The following GLCE variants were observed in gnomAD, a reference collection of about 807,000 sequenced individuals.
GLCE encodes glucuronic acid epimerase.
A neutral mutation model predicts 47.9 loss-of-function variants in GLCE; 19 were observed. That is an observed-to-expected ratio of 0.40 (90% confidence interval 0.28 to 0.58). The LOEUF (loss-of-function observed/expected upper bound fraction) is 0.58, where lower values mean the gene tolerates loss of function less well. Among genes scored for constraint, GLCE ranks in the 20% least tolerant of loss-of-function variants. GLCE has a pLI of 0.48. For synonymous variants in GLCE, 245 were observed against 263.4 expected (o/e 0.93, Z 0.68); for missense variants, 556 against 743.3 (o/e 0.75, Z 2.93).
intron 1 of GLCE, among the ~76,000 whole-genome samples, chr15:69,178,462 T>C (rs541225280): frequency 1.3e-5 from 2 of 152,146 alleles, no homozygotes; most frequent in Non-Finnish European, 2.9e-5. Flanking sequence ...ATCAGTAAAA[T>C]GTGGCTAATA....
intron 2 of GLCE, among the ~76,000 whole-genome samples, chr15:69,213,688 A>G (rs2052264601): frequency 6.6e-6 from 1 of 152,150 alleles, no homozygotes; most frequent in African/African-American, 2.4e-5. Flanking sequence ...GGCTTCAAAA[A>G]TATCTTGTTT....
chr15:69,268,688 G>A lies in GLCE; in HGVS notation c.1298G>A (p.Gly433Glu). 6.2e-7 allele frequency: 1 copy of A among 1,614,186 alleles called. No individual in the cohort carries two copies. Among genetic ancestry groups the A allele is most frequent in the Non-Finnish European group, 8.5e-7 (1 of 1,180,026 alleles). ...ATGGTGACCCGTAAGTTAGGGGAAG[G>A]GTTCAAGTCTTTAGAGCCAGGATGG... ...PIMVTRKLGE[G>E]FKSLEPGWYS... The change falls in exon 5 of 5, where the codon GGG becomes GAG. Residue 433 changes from glycine to glutamate, a missense_variant. Coordinates refer to ENST00000261858, the MANE Select transcript of GLCE (RefSeq NM_015554.3).
intron 2 of GLCE, among the ~76,000 whole-genome samples, chr15:69,212,258 G>C (rs1019962409): frequency 1.3e-5 from 2 of 151,836 alleles, no homozygotes; most frequent in Non-Finnish European, 1.5e-5. Context: ...GATATAAGAA[G>C]GTAATGCTAA....
At chr15:69,231,511 CTGATCTCG>C (rs1270886391) in intron 2 of GLCE, among the ~76,000 whole-genome samples, 1 of 151,944 alleles carries the variant, frequency 6.6e-6, no homozygotes, top group Non-Finnish European at 1.5e-5. Context: ...TCTCGATTTC[CTGATCTCG>C]TGATCCGCCT....
chr15:69,222,822 A>G (rs72754398), intron 2 of GLCE, among the ~76,000 whole-genome samples: 2,298 of 152,204 alleles, frequency 0.015, 45 homozygotes, highest in Non-Finnish European at 0.017. Context: ...GATTTTTTTT[A>G]TAGTGAAAGG....
At chr15:69,253,648 A>C (rs967977788) in intron 2 of GLCE, among the ~76,000 whole-genome samples, 34 of 152,378 alleles carry the variant, frequency 2.2e-4, no homozygotes, top group African/African-American at 8.2e-4. Context: ...CCAAGAAGAT[A>C]CTACATCTAT....
intron 1 of GLCE, chr15:69,197,188 A>G (rs2052007064): frequency 2.4e-6 from 1 of 424,030 alleles, no homozygotes; most frequent in African/African-American, 2.0e-5. Flanking sequence ...CAACGCTTCA[A>G]AAGTTGAATG....
intron 2 of GLCE, among the ~76,000 whole-genome samples, chr15:69,232,851 A>G (rs2140406754): frequency 6.6e-6 from 1 of 152,358 alleles, no homozygotes; most frequent in South Asian, 2.1e-4. Context: ...TGCAGCAGCA[A>G]GGACCTGTAA....
rs191273791 is a variant in GLCE, at chr15:69,244,497, G to A, written c.-13-11297G>A. Among the ~76,000 whole-genome samples the A allele has an allele frequency of 1.5e-4, 23 of 152,222 alleles. No individual in the cohort carries two copies. In the East Asian group the frequency reaches 4.1e-3, roughly 27 times the overall value. ...ATGTCTGAATTCAGTTCGCAGTCTAGTAACCTGTTATAAGTTAAAATCTTC... is the reference window on the plus strand; with the variant it reads ...ATGTCTGAATTCAGTTCGCAGTCTAATAACCTGTTATAAGTTAAAATCTTC... On this transcript the variant is annotated intron_variant, in intron 2 of 4. Transcript: ENST00000261858.
chr15:69,174,173 A>G (rs990820881), intron 1 of GLCE, among the ~76,000 whole-genome samples: 5 of 152,204 alleles, frequency 3.3e-5, no homozygotes, highest in Admixed American at 2.6e-4. Flanking sequence ...TGATTTTTAA[A>G]AAGTTTATTC....
chr15:69,220,765 CACA>C (rs1189358247), intron 2 of GLCE, among the ~76,000 whole-genome samples: 8 of 152,114 alleles, frequency 5.3e-5, no homozygotes, highest in African/African-American at 1.9e-4. Context: ...TCTTTTGATG[CACA>C]ACATTTTAAG....
chr15:69,163,648 C>G (rs1206709805), intron 1 of GLCE, among the ~76,000 whole-genome samples: 1 of 152,182 alleles, frequency 6.6e-6, no homozygotes, highest in African/African-American at 2.4e-5. Flanking sequence ...ACACATCAGA[C>G]TTAACCATGT....
chr15:69,189,483 A>G (rs1359087501), intron 1 of GLCE, among the ~76,000 whole-genome samples: 1 of 152,206 alleles, frequency 6.6e-6, no homozygotes, highest in Non-Finnish European at 1.5e-5. Context: ...TTGGGCAATT[A>G]TGAATAAAAC....
chr15:69,211,748 G>T (rs1357310266), intron 2 of GLCE, among the ~76,000 whole-genome samples: 2 of 151,722 alleles, frequency 1.3e-5, no homozygotes, highest in African/African-American at 4.8e-5. Context: ...AATTATTTTT[G>T]CTATTTCCCA....
At chr15:69,220,864 T>C (rs998692727) in intron 2 of GLCE, among the ~76,000 whole-genome samples, 3 of 152,224 alleles carry the variant, frequency 2.0e-5, no homozygotes, top group African/African-American at 7.2e-5. Flanking sequence ...AATCCAATAT[T>C]GTGAAGCTTT....
intron 1 of GLCE, among the ~76,000 whole-genome samples, chr15:69,182,410 C>T (rs922612690): frequency 1.1e-4 from 16 of 150,618 alleles, no homozygotes; most frequent in African/African-American, 3.9e-4. Context: ...AGAGAGAGTC[C>T]ATCCAGCCAC....
chr15:69,263,820 G>T (rs182867523), intron 4 of GLCE, among the ~76,000 whole-genome samples: 32 of 152,110 alleles, frequency 2.1e-4, no homozygotes, highest in African/African-American at 7.7e-4. Flanking sequence ...TTAAACGAAT[G>T]GATTGATTAA....
intron 4 of GLCE, among the ~76,000 whole-genome samples, chr15:69,262,875 C>G (rs755881737): frequency 5.3e-5 from 8 of 152,108 alleles, no homozygotes; most frequent in Non-Finnish European, 1.2e-4. Context: ...TTGAGTATCC[C>G]TTATCTGAAA....
chr15:69,243,737 C>G (rs1232160246), intron 2 of GLCE, among the ~76,000 whole-genome samples: 1 of 150,320 alleles, frequency 6.7e-6, no homozygotes, highest in East Asian at 2.0e-4. Flanking sequence ...GCTTTTTATT[C>G]CCCTTGACTT....
Sources: gnomAD v4.1 joint callset for allele counts (sites outside exome capture counted in the v4.1 genomes callset) on GRCh38, gnomAD v4.1.1 for gene constraint, MANE v1.5 for transcripts, NCBI Gene and HGNC (gene_info 2026-07-23, HGNC 2026-07-21) for gene names.